Variants in RNF213 observed in about 807,000 individuals in gnomAD.
RNF213 encodes E3 ubiquitin-protein ligase RNF213.
In RNF213, 341 loss-of-function variants were observed where a neutral mutation model predicts 514.4. The ratio of observed to expected loss-of-function variants is 0.66; its 90% CI spans 0.61 to 0.73. The LOEUF is 0.73. RNF213 is among the 30% of genes least tolerant of loss of function. RNF213 has a pLI of 0.00. For synonymous variants in RNF213, 2,655 were observed against 2,658.2 expected (o/e 1.00, Z 0.04); for missense variants, 5,767 against 6,615.6 (o/e 0.87, Z 4.45).
At chr17:80,354,399 C>T (rs1256381396) in intron 35 of RNF213, 42 bp from the exon 36 acceptor site, 8 of 1,613,862 alleles carry the variant, frequency 5.0e-6, no homozygotes, top group Non-Finnish European at 4.2e-6. Flanking sequence ...GCCAACAGCT[C>T]AGCCACGGCC....
At chr17:80,329,663 T>TA (rs954098566) in intron 20 of RNF213, among the ~76,000 whole-genome samples, 9 of 151,542 alleles carry the variant, frequency 5.9e-5, no homozygotes, top group Non-Finnish European at 7.4e-5. Flanking sequence ...ACCCCATCTC[T>TA]AAAAAAAATA....
At chr17:80,390,439 G>A (rs536710021) in intron 67 of RNF213, among the ~76,000 whole-genome samples, 2 of 150,354 alleles carry the variant, frequency 1.3e-5, no homozygotes, top group South Asian at 2.1e-4. Flanking sequence ...GGAGTGCAGT[G>A]GAGTAATCTC....
intron 17 of RNF213, among the ~76,000 whole-genome samples, chr17:80,324,677 TATATGCTA>T (rs1329994608): frequency 6.6e-6 from 1 of 152,192 alleles, no homozygotes; most frequent in African/African-American, 2.4e-5. Context: ...GAACATAAAA[TATATGCTA>T]TATTAAGGGT....
rs919540163 is a variant in RNF213, at chr17:80,377,877, G to A, written c.13545+81G>A. 6.6e-7 allele frequency: 1 copy of A among 1,518,164 alleles called. No individual in the cohort carries two copies. Among genetic ancestry groups the A allele is most frequent in the Non-Finnish European group, 9.1e-7 (1 of 1,093,232 alleles). 94.0% of individuals were successfully genotyped at this position (1,518,164 alleles called of 1,614,324 possible). A position where few individuals can be genotyped will look rare whatever the true frequency, so the allele number is the denominator to read the frequency against. Reference sequence around the variant, plus strand: ...AGGAGGGGGATCGTGGGTCAGGAGAGTGAGGCTCTCGGCCTTCCAGGAGAG... The same window carrying A: ...AGGAGGGGGATCGTGGGTCAGGAGAATGAGGCTCTCGGCCTTCCAGGAGAG... On this transcript the variant is annotated intron_variant, in intron 54 of 67. Coordinates refer to ENST00000582970, the MANE Select transcript of RNF213 (RefSeq NM_001256071.3). This position sits in a 1 kb window ranked among gnomAD's most constrained non-coding sequence, Gnocchi z 4.1.
chr17:80,380,280 G>T (rs1348886385), intron 55 of RNF213, among the ~76,000 whole-genome samples: 1 of 152,162 alleles, frequency 6.6e-6, no homozygotes, highest in Non-Finnish European at 1.5e-5. Flanking sequence ...CTGCGTGGGG[G>T]CCTCACATTC....
At position 80,264,918 on chromosome 17, in the gene RNF213, A is replaced by ACCCTTCC. The variant is rs2043556573; in HGVS notation, c.97+1143_97+1149dup. The stretch of plus-strand genomic sequence containing the variant: ...GCTTCCACCGCAGGGCCTTTGCACC[A>ACCCTTCC]CCCTTCCCCAGAGGGCGGCCTGGCT... On this transcript the variant is annotated intron_variant, in intron 2 of 67. Coordinates refer to ENST00000582970, the MANE Select transcript of RNF213 (RefSeq NM_001256071.3). The surrounding 1 kb of genome is among the most constrained non-coding windows in gnomAD (Gnocchi z 5.0). Among the ~76,000 whole-genome samples, 1 of 149,734 alleles carries ACCCTTCC rather than the reference A, an allele frequency of 6.7e-6. No individual in the cohort carries two copies. Among genetic ancestry groups the ACCCTTCC allele is most frequent in the Non-Finnish European group, 1.5e-5 (1 of 67,488 alleles).
intron 63 of RNF213, among the ~76,000 whole-genome samples, chr17:80,388,363 G>A (rs1471508237): frequency 6.6e-6 from 1 of 152,236 alleles, no homozygotes; most frequent in Non-Finnish European, 1.5e-5. Context: ...CTCCTGTGGC[G>A]AAGCAGGCCA....
chr17:80,336,285 G>T lies in RNF213; in HGVS notation c.4434G>T (p.Lys1478Asn). 6.5e-7 allele frequency: 1 copy of T among 1,537,272 alleles called. No individual in the cohort carries two copies. The highest frequency in any genetic ancestry group is 2.4e-5 in the East Asian group (1 of 40,912). The change falls in exon 23 of 68, where the codon AAG becomes AAT. Residue 1478 changes from lysine to asparagine, a missense_variant. Coordinates refer to ENST00000582970, the MANE Select transcript of RNF213 (RefSeq NM_001256071.3). ...AVQGYASLLF[K>N]LDPSVDFSAF... Reference sequence around the variant, plus strand: ...AGGGCTACGCATCCCTGCTATTTAAGCTGGACCCCAGCGTGGACTTCAGTG... The same window carrying T: ...AGGGCTACGCATCCCTGCTATTTAATCTGGACCCCAGCGTGGACTTCAGTG...
At position 80,273,221 on chromosome 17, in the gene RNF213, T is replaced by G. The variant is rs189492831; in HGVS notation, c.98-20T>G. 2.0e-4 allele frequency: 328 copies of G among 1,613,194 alleles called. 2 individuals are homozygous for G. In the East Asian group the frequency reaches 5.5e-3, roughly 27 times the overall value. On this transcript the variant is annotated intron_variant, in intron 2 of 67. Coordinates refer to ENST00000582970, the MANE Select transcript of RNF213 (RefSeq NM_001256071.3). ...TCGCTTCTCTCTGAGATCTGACCCT[T>G]CCTTCATCTGCCGTTACAGATTCTG... is the stretch of plus-strand genomic sequence containing the variant.
At chr17:80,339,102 A>C in intron 25 of RNF213, 99 bp from the exon 26 acceptor site, 1 of 995,218 alleles carries the variant, frequency 1.0e-6, no homozygotes, top group Non-Finnish European at 1.4e-6. Flanking sequence ...GCCTGTGGAC[A>C]GGGCCGTCTT....
intron 15 of RNF213, chr17:80,316,568 G>T: frequency 5.9e-6 from 1 of 170,228 alleles, no homozygotes; most frequent in Non-Finnish European, 1.3e-5. Flanking sequence ...CGAGAGGAAC[G>T]GGGGTGGAGA....
chr17:80,312,005 G>GT (rs2045589428), intron 14 of RNF213, among the ~76,000 whole-genome samples: 1 of 152,126 alleles, frequency 6.6e-6, no homozygotes, highest in Non-Finnish European at 1.5e-5. Flanking sequence ...GCATGCACTT[G>GT]TAATCCCAGC....
intron 13 of RNF213, among the ~76,000 whole-genome samples, 157 bp downstream of exon 13, chr17:80,307,358 G>A (rs1238893057): frequency 8.0e-6 from 1 of 125,644 alleles, no homozygotes; most frequent in African/African-American, 3.2e-5. Flanking sequence ...TAATATTGTC[G>A]TCTGTTTTTT....
At chr17:80,354,721 T>C (rs2078666312) in intron 36 of RNF213, 145 bp downstream of exon 36, 1 of 1,062,204 alleles carries the variant, frequency 9.4e-7, no homozygotes, top group African/African-American at 1.6e-5. Context: ...GTAAAGTTTT[T>C]CCCCAAGAAG....
Position 80,351,636 on chromosome 17 carries a change from G to T in RNF213, c.10185-49G>T, listed in dbSNP as rs770646910. On this transcript the variant is annotated intron_variant, in intron 31 of 67. Coordinates refer to ENST00000582970, the MANE Select transcript of RNF213 (RefSeq NM_001256071.3). Reference sequence around the variant, plus strand: ...GCTTTGTTTATTTGCTTGTTTTTGTGTGTGTGTTTGTTTTTAAAATAGGTA... The same window carrying T: ...GCTTTGTTTATTTGCTTGTTTTTGTTTGTGTGTTTGTTTTTAAAATAGGTA... 4 of 983,450 alleles carry T rather than the reference G, an allele frequency of 4.1e-6. No individual in the cohort carries two copies. In the Admixed American group the frequency reaches 5.5e-5, roughly 14 times the overall value. The allele number at this position is 983,450 out of a possible 1,614,324, so 60.9% of individuals were successfully genotyped here. A position where few individuals can be genotyped will look rare whatever the true frequency, so the allele number is the denominator to read the frequency against.
At chr17:80,331,471 C>A (rs892373212) in intron 20 of RNF213, among the ~76,000 whole-genome samples, 3 of 151,678 alleles carry the variant, frequency 2.0e-5, no homozygotes, top group African/African-American at 7.3e-5. Flanking sequence ...TCACTGCAAC[C>A]TCCACCTCCC....
At chr17:80,336,104 G>T in intron 22 of RNF213, 57 bp from the exon 23 acceptor site, 2 of 1,381,506 alleles carry the variant, frequency 1.4e-6, no homozygotes, top group Non-Finnish European at 9.9e-7. Flanking sequence ...GCCCAAGACC[G>T]AGTCTTGTGC....
In RNF213 at chr17:80,381,660, G is replaced by A. The variant is rs762803483; in HGVS notation, c.13911G>A (p.Glu4637=). Residue 4637 remains glutamate (E), a synonymous_variant, in exon 57 of 68, where the codon GAG becomes GAA. Coordinates refer to ENST00000582970, the MANE Select transcript of RNF213 (RefSeq NM_001256071.3). ...LAKMLGHSAD[E]TIGVVHLVLR... Reference sequence around the variant, plus strand: ...AGATGCTGGGACACAGTGCCGACGAGACCATCGGCGTGGTCCACCTCGTCC... The same window carrying A: ...AGATGCTGGGACACAGTGCCGACGAAACCATCGGCGTGGTCCACCTCGTCC... 49 of 1,614,180 alleles carry A rather than the reference G, an allele frequency of 3.0e-5. No individual in the cohort carries two copies. Among genetic ancestry groups the A allele is most frequent in the East Asian group, 4.5e-5 (2 of 44,884 alleles).
chr17:80,327,221 T>C (rs1353363974), intron 18 of RNF213, among the ~76,000 whole-genome samples: 1 of 152,192 alleles, frequency 6.6e-6, no homozygotes, highest in African/African-American at 2.4e-5. Flanking sequence ...ACTCAGGCCA[T>C]GTGAGGTGGT....
Sources: allele counts gnomAD v4.1 joint callset (sites outside exome capture counted in the v4.1 genomes callset), GRCh38; gene constraint gnomAD v4.1.1; non-coding constraint Gnocchi (gnomAD v3.1); transcripts MANE v1.5; gene names NCBI Gene and HGNC (gene_info 2026-07-23, HGNC 2026-07-21).